The following AGAP1 variants were observed in gnomAD, a reference collection of about 807,000 sequenced individuals.
AGAP1 encodes ArfGAP with GTPase domain, ankyrin repeat and PH domain 1.
In AGAP1, 29 loss-of-function variants were observed where a neutral mutation model predicts 105.3. The ratio of observed to expected loss-of-function variants is 0.28; its 90% CI spans 0.21 to 0.38. AGAP1 has a LOEUF of 0.38. Ranked by LOEUF, AGAP1 falls within the 10% of genes least tolerant of loss-of-function variation. The probability of loss-of-function intolerance (pLI) is 1.00; values close to 1 mark genes in which losing one functional copy is unlikely to be tolerated. For synonymous variants in AGAP1, 509 were observed against 485.9 expected, an observed-to-expected ratio of 1.05 and a Z score of -0.63; for missense variants, 998 against 1,165.1, an observed-to-expected ratio of 0.86 and a Z score of 2.09.
chr2:235,765,725 T>G (rs1954896807), intron 6 of AGAP1, among the ~76,000 whole-genome samples: 1 of 152,204 alleles, frequency 6.6e-6, no homozygotes, highest in South Asian at 2.1e-4. Context: ...GAGTGAATCT[T>G]TATGGTCTGT....
At position 235,864,020 on chromosome 2, in the gene AGAP1, T is replaced by G. The variant is rs1033234729; in HGVS notation, c.1051-19325T>G. Among the ~76,000 whole-genome samples the G allele has an allele frequency of 1.3e-5, 2 of 152,320 alleles. No individual in the cohort carries two copies. Among genetic ancestry groups the G allele is most frequent in the South Asian group, 4.1e-4 (2 of 4,820 alleles). ...GACTTGTAAATATTTTCCATAGATA[T>G]AAAAGTCGACTTCATAGCTTGCCTG... On this transcript the variant is annotated intron_variant, in intron 9 of 17. Transcript: ENST00000304032. The surrounding 1 kb of genome is among the most constrained non-coding windows in gnomAD (Gnocchi z 5.0).
intron 9 of AGAP1, among the ~76,000 whole-genome samples, chr2:235,826,189 G>A (rs1205378627): frequency 1.3e-5 from 2 of 152,158 alleles, no homozygotes; most frequent in Admixed American, 6.5e-5. Flanking sequence ...CAGAGCGTTG[G>A]CATGCTCTTT....
rs1167564015 is a variant in AGAP1 at position 235,789,663 on chromosome 2, G to A, written c.674-8096G>A. Among the ~76,000 whole-genome samples, 7 of 152,096 alleles carry A rather than the reference G, an allele frequency of 4.6e-5. No individual in the cohort carries two copies. Among genetic ancestry groups the A allele is most frequent in the South Asian group, 2.1e-4 (1 of 4,812 alleles). ...TATATATAGTCATATTTTGTGCTTC[G>A]ATACTCAGAAGGTAAGGCATCAAAG... On this transcript the variant is annotated intron_variant, in intron 6 of 17. Coordinates refer to ENST00000304032, the MANE Select transcript of AGAP1 (RefSeq NM_001037131.3). The surrounding 1 kb of genome is among the most constrained non-coding windows in gnomAD (Gnocchi z 4.2).
At chr2:235,694,786 G>A (rs141409714) in intron 1 of AGAP1, among the ~76,000 whole-genome samples, 9 of 152,316 alleles carry the variant, frequency 5.9e-5, no homozygotes, top group African/African-American at 2.2e-4. Flanking sequence ...TGTATATGTG[G>A]GGTGCTCTTC....
rs1946498924 is a variant in AGAP1 at position 235,621,969 on chromosome 2, C to G, written c.164-87210C>G. Among the ~76,000 whole-genome samples, 1 of 152,148 alleles carries G rather than the reference C, an allele frequency of 6.6e-6. No homozygotes were observed. Among genetic ancestry groups the G allele is most frequent in the South Asian group, 2.1e-4 (1 of 4,820 alleles). ...CTGACGGCCTCTTACAGACTCTGTCCTTTTTGTTGTAGCTGATGGAGCAGA... is the reference window on the plus strand; with the variant it reads ...CTGACGGCCTCTTACAGACTCTGTCGTTTTTGTTGTAGCTGATGGAGCAGA... On this transcript the variant is annotated intron_variant, in intron 1 of 17. Transcript: ENST00000304032. This position sits in a 1 kb window ranked among gnomAD's most constrained non-coding sequence, Gnocchi z 4.1.
At chr2:235,649,879 C>T (rs1240153333) in intron 1 of AGAP1, among the ~76,000 whole-genome samples, 2 of 152,234 alleles carry the variant, frequency 1.3e-5, no homozygotes, top group Non-Finnish European at 2.9e-5. Flanking sequence ...CATGGGCTGG[C>T]TTCCCTTATT....
At chr2:235,920,104 T>C (rs2052105457) in intron 11 of AGAP1, among the ~76,000 whole-genome samples, 1 of 152,168 alleles carries the variant, frequency 6.6e-6, no homozygotes, top group South Asian at 2.1e-4. Context: ...GCCACGTTGA[T>C]GTATTTAGTA....
At chr2:235,812,940 G>T (rs1031133182) in intron 9 of AGAP1, among the ~76,000 whole-genome samples, 1 of 152,252 alleles carries the variant, frequency 6.6e-6, no homozygotes, top group African/African-American at 2.4e-5. Context: ...TGCCCTGCAA[G>T]CTAATTGACC....
chr2:235,618,536 G>A (rs1453911661), intron 1 of AGAP1, among the ~76,000 whole-genome samples: 1 of 151,992 alleles, frequency 6.6e-6, no homozygotes, highest in Non-Finnish European at 1.5e-5. Flanking sequence ...CTCAATTCAG[G>A]CATAAAGCTT....
intron 12 of AGAP1, among the ~76,000 whole-genome samples, chr2:235,946,048 T>TGGGTGGAGACACAGATCC (rs2125238884): frequency 6.6e-6 from 1 of 151,926 alleles, no homozygotes; most frequent in African/African-American, 2.4e-5. Context: ...ACATGAGACC[T>TGGGTGGAGACACAGATCC]GGGTGGAGAC....
At chr2:235,671,345 C>T (rs897490790) in intron 1 of AGAP1, among the ~76,000 whole-genome samples, 1 of 152,190 alleles carries the variant, frequency 6.6e-6, no homozygotes, top group Admixed American at 6.5e-5. Context: ...ACCTCCTTCG[C>T]GTGCTCGCTG....
intron 12 of AGAP1, among the ~76,000 whole-genome samples, chr2:235,946,421 C>T (rs1473527689): frequency 6.6e-6 from 1 of 151,902 alleles, no homozygotes; most frequent in Admixed American, 6.6e-5. Context: ...CCACCTGCCT[C>T]GGCCTCCCAA....
In AGAP1 at chr2:236,013,488, G is replaced by A. The variant is rs58986912; in HGVS notation, c.1646-23073G>A. ...GTCAGGAACACGTTGGGGTTGATTA[G>A]GGAGCTGACCGTTGGCCAGCTCATG... On this transcript the variant is annotated intron_variant, in intron 13 of 17. Transcript: ENST00000304032. 4.9e-3 allele frequency among the ~76,000 whole-genome samples: 740 copies of A among 152,316 alleles called. 12 individuals are homozygous for A. The highest frequency in any genetic ancestry group is 0.017 in the African/African-American group (709 of 41,582).
chr2:235,748,849 G>A (rs1300452622), intron 5 of AGAP1, among the ~76,000 whole-genome samples: 1 of 152,178 alleles, frequency 6.6e-6, no homozygotes, highest in Non-Finnish European at 1.5e-5. Context: ...TTTGTTTAAA[G>A]AGTTGTTTAT....
chr2:235,986,560 AG>A (rs1395130383), intron 13 of AGAP1, among the ~76,000 whole-genome samples: 3 of 152,122 alleles, frequency 2.0e-5, no homozygotes, highest in Non-Finnish European at 4.4e-5. Context: ...AGTTTTCAGA[AG>A]GAATGCTTCC....
At chr2:235,776,248 C>T (rs1478504728) in intron 6 of AGAP1, among the ~76,000 whole-genome samples, 1 of 152,102 alleles carries the variant, frequency 6.6e-6, no homozygotes. Context: ...GGTGGGGCTC[C>T]AAGGCCTCGC....
chr2:235,495,618 T>A (rs1206400681), intron 1 of AGAP1, among the ~76,000 whole-genome samples: 1 of 152,242 alleles, frequency 6.6e-6, no homozygotes, highest in Non-Finnish European at 1.5e-5. Flanking sequence ...CGCTTCCCTC[T>A]GCATGTCAGG....
In AGAP1 at chr2:235,930,803, G is replaced by A. The variant is rs761951917; in HGVS notation, c.1363G>A (p.Gly455Ser). 8.1e-6 allele frequency: 13 copies of A among 1,614,058 alleles called. No homozygotes were observed. The highest frequency in any genetic ancestry group is 3.3e-5 in the Admixed American group (2 of 60,014). ...TGCATCTGGGTCTCAGATGGCAAGC[G>A]GCATCAGCCTGGTCTCCTTCAACAG... ...TSASGSQMAS[G>S]ISLVSFNSRP... The change falls in exon 12 of 18, where the codon GGC becomes AGC. Residue 455 changes from glycine to serine, a missense_variant. By Grantham distance (56) the Gly-to-Ser change is moderately conservative. Coordinates refer to ENST00000304032, the MANE Select transcript of AGAP1 (RefSeq NM_001037131.3). The surrounding 1 kb of genome is among the most constrained non-coding windows in gnomAD (Gnocchi z 7.9).
rs572424945 is a variant in AGAP1 at position 235,967,023 on chromosome 2, G to A, written c.1484-1439G>A. Reference sequence around the variant, plus strand: ...TCTTTGTATTTGAAATCATGTCACTGTTCTGCTCAGAACCCTGCATGGCTC... The same window carrying A: ...TCTTTGTATTTGAAATCATGTCACTATTCTGCTCAGAACCCTGCATGGCTC... On this transcript the variant is annotated intron_variant, in intron 12 of 17. Coordinates refer to ENST00000304032, the MANE Select transcript of AGAP1 (RefSeq NM_001037131.3). The surrounding 1 kb of genome is among the most constrained non-coding windows in gnomAD (Gnocchi z 4.7). 6.6e-6 allele frequency among the ~76,000 whole-genome samples: 1 copy of A among 152,250 alleles called. No individual in the cohort carries two copies. The highest frequency in any genetic ancestry group is 1.5e-5 in the Non-Finnish European group (1 of 68,032).
Sources: allele counts gnomAD v4.1 joint callset (sites outside exome capture counted in the v4.1 genomes callset), GRCh38; gene constraint gnomAD v4.1.1; non-coding constraint Gnocchi (gnomAD v3.1); transcripts MANE v1.5; gene names NCBI Gene and HGNC (gene_info 2026-07-23, HGNC 2026-07-21).